The following PIK3R3 variants were observed in gnomAD, a reference collection of about 807,000 sequenced individuals.
PIK3R3 encodes the protein phosphoinositide-3-kinase regulatory subunit 3.
Under a neutral mutation model 62.9 loss-of-function variants are expected in PIK3R3, and 64 were observed. That is an observed-to-expected ratio of 1.02 (90% CI 0.83 to 1.25). The LOEUF (loss-of-function observed/expected upper bound fraction) is 1.25. Among genes scored for constraint, PIK3R3 ranks in the 50% most tolerant of loss-of-function variants. The probability of loss-of-function intolerance (pLI) is 0.00; values close to 1 mark genes in which losing one functional copy is unlikely to be tolerated. For synonymous variants in PIK3R3, 165 were observed against 189.0 expected (o/e 0.87, Z 1.04); for missense variants, 614 against 561.6 (o/e 1.09, Z -0.94).
At chr1:46,162,069 G>C in the PIK3R3 span, among the ~76,000 whole-genome samples, 2 of 150,408 alleles carry the variant, frequency 1.3e-5, no homozygotes, top group Non-Finnish European at 2.9e-5. Context: ...TCCAGCCTGG[G>C]CGACAGAGTG....
At position 46,042,638 on chromosome 1, in the gene PIK3R3, T is replaced by C. The variant is rs1230702790; in HGVS notation, c.*1035A>G. On this transcript the variant is annotated 3_prime_UTR_variant, in exon 10 of 10. Transcript: ENST00000262741. This position sits in a 1 kb window ranked among gnomAD's most constrained non-coding sequence, Gnocchi z 4.3. The stretch of plus-strand genomic sequence containing the variant: ...GGGCCTTTAAACTTGGGGAAGCACA[T>C]ATAATAATGTTGTTCTATATTGTTA... The C allele has an allele frequency of 4.5e-6, 1 of 221,992 alleles. No homozygotes were observed. Among genetic ancestry groups the C allele is most frequent in the Non-Finnish European group, 9.0e-6 (1 of 110,774 alleles). 13.8% of individuals were successfully genotyped at this position (221,992 alleles called of 1,614,324 possible). A position where few individuals can be genotyped will look rare whatever the true frequency, so the allele number is the denominator to read the frequency against.
chr1:46,086,546 A>C (rs947614466), intron 1 of PIK3R3, among the ~76,000 whole-genome samples: 16 of 152,244 alleles, frequency 1.1e-4, no homozygotes, highest in African/African-American at 3.6e-4. Flanking sequence ...CTAAAAATAC[A>C]AAAATTAGCT....
chr1:46,141,240 A>AT, the PIK3R3 span, among the ~76,000 whole-genome samples: 1 of 150,682 alleles, frequency 6.6e-6, no homozygotes, highest in African/African-American at 2.4e-5. Context: ...CCATAATTTA[A>AT]TTTTTTTCAA....
chr1:46,078,915 T>A (rs949243795), intron 2 of PIK3R3, among the ~76,000 whole-genome samples: 2 of 152,216 alleles, frequency 1.3e-5, no homozygotes, highest in East Asian at 1.9e-4. Context: ...GCAAAGTACC[T>A]ACAATTGAAT....
Position 46,132,106 on chromosome 1 carries a change from G to C in PIK3R3, c.-154C>G. The stretch of plus-strand genomic sequence containing the variant: ...CAGTACCAGTCCGGCCAAACTACCC[G>C]AACAGGGTCCTCCCCCTCTCTCCTA... On this transcript the variant is annotated 5_prime_UTR_variant, in exon 1 of 10. Coordinates refer to ENST00000262741, the MANE Select transcript of PIK3R3 (RefSeq NM_003629.4). The C allele has an allele frequency of 1.4e-6, 2 of 1,420,600 alleles. No homozygotes were observed. Among genetic ancestry groups the C allele is most frequent in the Non-Finnish European group, 1.8e-6 (2 of 1,092,028 alleles). 88.0% of individuals were successfully genotyped at this position (1,420,600 alleles called of 1,614,324 possible). A position where few individuals can be genotyped will look rare whatever the true frequency, so the allele number is the denominator to read the frequency against.
At chr1:46,156,731 A>T in the PIK3R3 span, among the ~76,000 whole-genome samples, 1 of 152,190 alleles carries the variant, frequency 6.6e-6, no homozygotes, top group Non-Finnish European at 1.5e-5. Context: ...GCTTCTGTCC[A>T]TTAGCTGTCC....
intron 3 of PIK3R3, among the ~76,000 whole-genome samples, chr1:46,076,792 A>G (rs1167718803): frequency 6.6e-6 from 1 of 152,212 alleles, no homozygotes; most frequent in Non-Finnish European, 1.5e-5. Context: ...GGGAATAGTA[A>G]TAATACCTAC....
At chr1:46,071,926 C>A (rs1397515986) in intron 3 of PIK3R3, among the ~76,000 whole-genome samples, 1 of 151,504 alleles carries the variant, frequency 6.6e-6, no homozygotes, top group African/African-American at 2.4e-5. Flanking sequence ...TCTTCACAAA[C>A]TTTATCTTTT....
chr1:46,139,361 A>G, the PIK3R3 span, among the ~76,000 whole-genome samples: 1 of 151,746 alleles, frequency 6.6e-6, no homozygotes, highest in Non-Finnish European at 1.5e-5. Flanking sequence ...GCTGGAGTAC[A>G]ATGGCATGAT....
At chr1:46,081,897 T>C (rs1650626271) in intron 1 of PIK3R3, among the ~76,000 whole-genome samples, 2 of 152,082 alleles carry the variant, frequency 1.3e-5, no homozygotes, top group African/African-American at 4.8e-5. Context: ...GAAGGGGCTC[T>C]CACTGACCAA....
chr1:46,104,350 C>T (rs1652988557), intron 1 of PIK3R3, among the ~76,000 whole-genome samples: 2 of 152,160 alleles, frequency 1.3e-5, no homozygotes, highest in Non-Finnish European at 2.9e-5. Context: ...AAAAGATTTT[C>T]AACTTCTTTT....
chr1:46,091,955 G>T (rs992935599), intron 1 of PIK3R3, among the ~76,000 whole-genome samples: 8 of 151,500 alleles, frequency 5.3e-5, no homozygotes, highest in South Asian at 2.1e-4. Context: ...ATTTTTATTG[G>T]TTTTTTTCAC....
At chr1:46,141,845 C>T in the PIK3R3 span, among the ~76,000 whole-genome samples, 1 of 152,158 alleles carries the variant, frequency 6.6e-6, no homozygotes, top group Non-Finnish European at 1.5e-5. Context: ...TCTACTTCTG[C>T]TCTTATGCCC....
intron 1 of PIK3R3, among the ~76,000 whole-genome samples, chr1:46,121,404 T>C (rs1213933296): frequency 1.3e-5 from 2 of 152,212 alleles, no homozygotes; most frequent in Admixed American, 6.5e-5. Context: ...AAGCAATATA[T>C]TTCCAGCACA....
chr1:46,156,649 G>A, the PIK3R3 span, among the ~76,000 whole-genome samples: 3 of 152,054 alleles, frequency 2.0e-5, no homozygotes, highest in Non-Finnish European at 4.4e-5. Context: ...TGGACTGAAT[G>A]GGGCATTTAT....
chr1:46,078,828 G>C (rs1245700315), intron 2 of PIK3R3, among the ~76,000 whole-genome samples: 1 of 152,132 alleles, frequency 6.6e-6, no homozygotes, highest in Non-Finnish European at 1.5e-5. Context: ...GCTACAACAT[G>C]AATGAACCTT....
At chr1:46,099,333 G>A (rs1204479319) in intron 1 of PIK3R3, among the ~76,000 whole-genome samples, 1 of 152,060 alleles carries the variant, frequency 6.6e-6, no homozygotes, top group East Asian at 1.9e-4. Flanking sequence ...TTTTTTATAT[G>A]ACAGAAAAAC....
At position 46,041,990 on chromosome 1, in the gene PIK3R3, C is replaced by T. The variant is rs1420019551; in HGVS notation, c.*1683G>A. ...TTTTCTTTCACCCCCAGAACTAGAGCTTTCCTAGCTGTAAGCCTTATAAAC... is the reference window on the plus strand; with the variant it reads ...TTTTCTTTCACCCCCAGAACTAGAGTTTTCCTAGCTGTAAGCCTTATAAAC... On this transcript the variant is annotated 3_prime_UTR_variant, in exon 10 of 10. Coordinates refer to ENST00000262741, the MANE Select transcript of PIK3R3 (RefSeq NM_003629.4). 2.3e-5 allele frequency: 5 copies of T among 221,316 alleles called. No homozygotes were observed. The highest frequency in any genetic ancestry group is 1.3e-3 in the Middle Eastern group (1 of 744). The allele number at this position is 221,316 out of a possible 1,614,324, so 13.7% of individuals were successfully genotyped here.
intron 1 of PIK3R3, among the ~76,000 whole-genome samples, chr1:46,085,607 T>C (rs967728233): frequency 1.3e-5 from 2 of 152,204 alleles, no homozygotes; most frequent in Admixed American, 1.3e-4. Context: ...ATATCTATCT[T>C]CCAGGTTGTG....
Sources: gnomAD v4.1 joint callset for allele counts (sites outside exome capture counted in the v4.1 genomes callset) on GRCh38, gnomAD v4.1.1 for gene constraint, Gnocchi (gnomAD v3.1) non-coding constraint, MANE v1.5 for transcripts, NCBI Gene and HGNC (gene_info 2026-07-23, HGNC 2026-07-21) for gene names.